Variants in LINGO2 observed in about 807,000 individuals in gnomAD.
LINGO2 encodes the protein leucine-rich repeat and immunoglobulin-like domain-containing nogo receptor-interacting protein 2.
Under a neutral mutation model 30.6 loss-of-function variants are expected in LINGO2, and 14 were observed. That is an observed-to-expected ratio of 0.46 (90% CI 0.30 to 0.72). The LOEUF is 0.72. Among genes scored for constraint, LINGO2 ranks in the 30% least tolerant of loss-of-function variants. The pLI is 0.07. For synonymous variants in LINGO2, 317 were observed against 288.5 expected, an observed-to-expected ratio of 1.10 and a Z score of -1.00; for missense variants, 729 against 751.7, an observed-to-expected ratio of 0.97 and a Z score of 0.35.
chr9:28,060,677 T>G (rs543830014), intron 4 of LINGO2, among the ~76,000 whole-genome samples: 9 of 152,164 alleles, frequency 5.9e-5, no homozygotes, highest in Admixed American at 1.3e-4. Context: ...TGGTAAACTT[T>G]CTTAAATGTA....
At chr9:28,769,552 A>G in the LINGO2 span, among the ~76,000 whole-genome samples, 1 of 93,928 alleles carries the variant, frequency 1.1e-5, no homozygotes, top group East Asian at 2.8e-4. Context: ...TTTTACCTGA[A>G]TGTCCTCCAG....
chr9:28,736,402 G>A, the LINGO2 span, among the ~76,000 whole-genome samples: 174 of 152,266 alleles, frequency 1.1e-3, no homozygotes, highest in Admixed American at 6.6e-3. Context: ...TTTTTCTTAA[G>A]TAGCCACGCA....
chr9:29,118,554 G>T, the LINGO2 span, among the ~76,000 whole-genome samples: 3 of 152,216 alleles, frequency 2.0e-5, no homozygotes, highest in East Asian at 5.8e-4. Context: ...TAGAACCCTG[G>T]TGAAGCCCAA....
At chr9:28,163,607 A>G (rs10968358) in intron 4 of LINGO2, among the ~76,000 whole-genome samples, 6,042 of 152,258 alleles carry the variant, frequency 0.04, 389 homozygotes, top group African/African-American at 0.14. Context: ...CCTTTCAATG[A>G]CTTTTTTAGT....
chr9:28,031,417 AAT>A (rs976359504), intron 4 of LINGO2, among the ~76,000 whole-genome samples: 64 of 151,996 alleles, frequency 4.2e-4, no homozygotes, highest in Non-Finnish European at 2.8e-4. Context: ...TATGGGTTAC[AAT>A]ATGTTTTGAC....
At chr9:27,955,235 C>T (rs2118444870) in intron 5 of LINGO2, among the ~76,000 whole-genome samples, 1 of 152,300 alleles carries the variant, frequency 6.6e-6, no homozygotes, top group African/African-American at 2.4e-5. Context: ...GTTACCTTGA[C>T]ATTATTCCTC....
At chr9:29,005,111 A>G in the LINGO2 span, among the ~76,000 whole-genome samples, 2 of 152,156 alleles carry the variant, frequency 1.3e-5, no homozygotes, top group South Asian at 4.1e-4. Context: ...TGGTGAATAT[A>G]TAAACCACAA....
the LINGO2 span, among the ~76,000 whole-genome samples, chr9:29,140,364 A>C: frequency 6.6e-6 from 1 of 151,928 alleles, no homozygotes; most frequent in African/African-American, 2.4e-5. Flanking sequence ...AAAAAGAACA[A>C]AATTTTGGAG....
chr9:28,998,243 C>G, the LINGO2 span, among the ~76,000 whole-genome samples: 1 of 152,026 alleles, frequency 6.6e-6, no homozygotes, highest in Non-Finnish European at 1.5e-5. Flanking sequence ...GCAGAAATAC[C>G]ACAAGTTACA....
intron 4 of LINGO2, among the ~76,000 whole-genome samples, chr9:28,262,422 A>G (rs1464842063): frequency 6.6e-6 from 1 of 151,976 alleles, no homozygotes; most frequent in Non-Finnish European, 1.5e-5. Context: ...AACAATTTCC[A>G]GCTGGTATTT....
At chr9:29,027,003 G>A in the LINGO2 span, among the ~76,000 whole-genome samples, 1 of 152,138 alleles carries the variant, frequency 6.6e-6, no homozygotes, top group Non-Finnish European at 1.5e-5. Flanking sequence ...TCAAGGATAT[G>A]AATGCTCAGG....
the LINGO2 span, among the ~76,000 whole-genome samples, chr9:29,100,169 T>C: frequency 6.6e-6 from 1 of 151,664 alleles, no homozygotes; most frequent in Non-Finnish European, 1.5e-5. Flanking sequence ...CTGTGGGAGG[T>C]AAAAATAAAA....
At chr9:29,149,601 G>A in the LINGO2 span, among the ~76,000 whole-genome samples, 1 of 152,004 alleles carries the variant, frequency 6.6e-6, no homozygotes, top group South Asian at 2.1e-4. Flanking sequence ...CAGCTCCTAG[G>A]GAAGAGGTGA....
intron 2 of LINGO2, among the ~76,000 whole-genome samples, chr9:28,426,693 T>C (rs1351715041): frequency 6.6e-6 from 1 of 151,988 alleles, no homozygotes; most frequent in Non-Finnish European, 1.5e-5. Flanking sequence ...TAAATGGAGG[T>C]TTAGTGTCCA....
chr9:28,537,777 A>C (rs1358718949), intron 1 of LINGO2, among the ~76,000 whole-genome samples: 1 of 152,036 alleles, frequency 6.6e-6, no homozygotes, highest in Non-Finnish European at 1.5e-5. Context: ...ATAGGGGAAA[A>C]GAGGCAATAT....
the LINGO2 span, among the ~76,000 whole-genome samples, chr9:29,121,139 A>G: frequency 6.6e-6 from 1 of 152,150 alleles, no homozygotes; most frequent in Non-Finnish European, 1.5e-5. Context: ...GGAAATATAA[A>G]GATGTTTGAA....
the LINGO2 span, among the ~76,000 whole-genome samples, chr9:29,001,252 G>T: frequency 1.3e-5 from 2 of 152,018 alleles, no homozygotes; most frequent in South Asian, 2.1e-4. Context: ...CATCATTATA[G>T]GCAAAGTAGT....
At chr9:27,970,295 A>AT (rs924529438) in intron 5 of LINGO2, among the ~76,000 whole-genome samples, 1 of 152,132 alleles carries the variant, frequency 6.6e-6, no homozygotes, top group Non-Finnish European at 1.5e-5. Context: ...CTTGACAGTC[A>AT]TTGGCTGGTT....
At chr9:28,557,238 A>T (rs1473171015) in intron 1 of LINGO2, among the ~76,000 whole-genome samples, 1 of 152,032 alleles carries the variant, frequency 6.6e-6, no homozygotes, top group Non-Finnish European at 1.5e-5. Context: ...AATTTTCACA[A>T]CCTACTCATC....
Sources: allele counts gnomAD v4.1 joint callset (sites outside exome capture counted in the v4.1 genomes callset), GRCh38; gene constraint gnomAD v4.1.1; transcripts MANE v1.5; gene names NCBI Gene and HGNC (gene_info 2026-07-23, HGNC 2026-07-21).